VPS37A: variants seen among roughly 807,000 people sequenced by gnomAD.
VPS37A encodes VPS37A subunit of ESCRT-I, also known as vacuolar protein sorting-associated protein 37A.
In VPS37A, 30 loss-of-function variants were observed where a neutral mutation model predicts 49.8. That is an observed-to-expected ratio of 0.60 (90% CI 0.45 to 0.82). VPS37A has a LOEUF of 0.82. Ranked by LOEUF, VPS37A falls within the 40% of genes least tolerant of loss-of-function variation. The pLI is 0.00. For missense variants in VPS37A, 593 were observed against 464.4 expected, an observed-to-expected ratio of 1.28 and a Z score of -2.55; for synonymous variants, 195 against 160.6, an observed-to-expected ratio of 1.21 and a Z score of -1.62.
intron 1 of VPS37A, among the ~76,000 whole-genome samples, chr8:17,263,777 C>G (rs1273852451): frequency 6.6e-6 from 1 of 152,058 alleles, no homozygotes; most frequent in Non-Finnish European, 1.5e-5. Context: ...AACCCCTTAT[C>G]TACAAAATAT....
intron 4 of VPS37A, among the ~76,000 whole-genome samples, chr8:17,269,465 C>A (rs1407742009): frequency 6.6e-6 from 1 of 152,086 alleles, no homozygotes. Flanking sequence ...TTTAGATCAT[C>A]TTCATTTTCC....
At chr8:17,306,165 C>T (rs185310084), downstream of VPS37A, among the ~76,000 whole-genome samples, 1 of 152,158 alleles carries the variant, frequency 6.6e-6, no homozygotes, top group Non-Finnish European at 1.5e-5. Flanking sequence ...AGAAGGGATG[C>T]GTTCACGTTA....
At chr8:17,305,884 A>G, downstream of VPS37A, 1 of 1,613,780 alleles carries the variant, frequency 6.2e-7, no homozygotes, top group Non-Finnish European at 8.5e-7. Flanking sequence ...TGTTCCATTA[A>G]CTGCCAAACA....
chr8:17,286,564 G>C, intron 11 of VPS37A, 137 bp downstream of exon 11: 1 of 655,872 alleles, frequency 1.5e-6, no homozygotes, highest in Non-Finnish European at 2.5e-6. Flanking sequence ...AACATAGAAT[G>C]CTTTGTATTA....
downstream of VPS37A, chr8:17,304,575 G>C (rs1586138210): frequency 1.9e-6 from 3 of 1,544,038 alleles, no homozygotes; most frequent in Non-Finnish European, 2.7e-6. Context: ...ACACACAGTA[G>C]ATATGTTATA....
downstream of VPS37A, chr8:17,299,957 A>G: frequency 1.9e-6 from 3 of 1,614,132 alleles, no homozygotes; most frequent in Non-Finnish European, 2.5e-6. Context: ...CGACAGCTCA[A>G]ATCCTCCACC....
the VPS37A span, chr8:17,313,519 GCAA>G: frequency 1.9e-4 from 53 of 271,806 alleles, no homozygotes; most frequent in Non-Finnish European, 2.9e-4. Flanking sequence ...TTTTCTGGAA[GCAA>G]GCCTTAAGTC....
At chr8:17,300,267 C>CT, downstream of VPS37A, 1 of 1,560,770 alleles carries the variant, frequency 6.4e-7, no homozygotes, top group Non-Finnish European at 8.7e-7. Context: ...TCATAAATAA[C>CT]TTATCTTTTT....
chr8:17,275,265 T>C (rs903827784), intron 5 of VPS37A, among the ~76,000 whole-genome samples: 2 of 152,200 alleles, frequency 1.3e-5, no homozygotes, highest in Non-Finnish European at 2.9e-5. Flanking sequence ...CTGGTTTTTT[T>C]CACCACTTTC....
chr8:17,261,472 G>A (rs190918784), intron 1 of VPS37A, among the ~76,000 whole-genome samples: 1 of 152,300 alleles, frequency 6.6e-6, no homozygotes, highest in Admixed American at 6.5e-5. Flanking sequence ...TCAGTCATTT[G>A]TTCTTTGTTT....
the VPS37A span, among the ~76,000 whole-genome samples, chr8:17,308,756 G>A: frequency 6.6e-6 from 1 of 152,122 alleles, no homozygotes; most frequent in Non-Finnish European, 1.5e-5. Flanking sequence ...AGGTCAGACA[G>A]CCCAGACGTC....
chr8:17,306,460 C>T (rs1329798119), downstream of VPS37A, among the ~76,000 whole-genome samples: 2 of 151,844 alleles, frequency 1.3e-5, no homozygotes, highest in Non-Finnish European at 2.9e-5. Context: ...AAGCTTATCA[C>T]GTGATTTATT....
At chr8:17,328,379 C>A in the VPS37A span, among the ~76,000 whole-genome samples, 2 of 152,142 alleles carry the variant, frequency 1.3e-5, no homozygotes, top group South Asian at 4.1e-4. Flanking sequence ...AATAGGCTGG[C>A]CTTGAAAGGG....
chr8:17,282,731 A>T (rs1212956995), intron 9 of VPS37A, among the ~76,000 whole-genome samples: 2 of 152,040 alleles, frequency 1.3e-5, no homozygotes, highest in Non-Finnish European at 2.9e-5. Flanking sequence ...GACTCTTCAA[A>T]CACTTAAAAA....
intron 1 of VPS37A, among the ~76,000 whole-genome samples, chr8:17,253,049 T>C (rs1339321506): frequency 2.0e-5 from 3 of 152,186 alleles, no homozygotes; most frequent in Non-Finnish European, 4.4e-5. Context: ...CATGGTACCA[T>C]TTAAGAAATA....
chr8:17,322,851 T>C, the VPS37A span, among the ~76,000 whole-genome samples: 2 of 152,090 alleles, frequency 1.3e-5, no homozygotes, highest in Non-Finnish European at 2.9e-5. Flanking sequence ...TGTATGTGTG[T>C]GCCCATTTCT....
the VPS37A span, among the ~76,000 whole-genome samples, chr8:17,316,125 C>G: frequency 6.6e-6 from 1 of 152,170 alleles, no homozygotes; most frequent in Non-Finnish European, 1.5e-5. Context: ...TACTTACATA[C>G]TAGCTATGTG....
intron 4 of VPS37A, among the ~76,000 whole-genome samples, chr8:17,272,402 C>T (rs1378830162): frequency 6.6e-6 from 1 of 152,160 alleles, no homozygotes; most frequent in African/African-American, 2.4e-5. Flanking sequence ...AAAATGTATT[C>T]AAAACCCATA....
At chr8:17,269,127 A>G (rs1006303315) in intron 4 of VPS37A, among the ~76,000 whole-genome samples, 171 bp downstream of exon 4, 2 of 152,130 alleles carry the variant, frequency 1.3e-5, no homozygotes, top group Non-Finnish European at 2.9e-5. Context: ...TGTTTCTTCT[A>G]ATGTTTACCT....
Sources: gnomAD v4.1 joint callset for allele counts (sites outside exome capture counted in the v4.1 genomes callset) on GRCh38, gnomAD v4.1.1 for gene constraint, MANE v1.5 for transcripts, NCBI Gene and HGNC (gene_info 2026-07-23, HGNC 2026-07-21) for gene names.